Variants in TMC1 observed in about 807,000 individuals in gnomAD.
TMC1 encodes the protein transmembrane channel-like protein 1.
In TMC1, 84 loss-of-function variants were observed where a neutral mutation model predicts 105.8. That is an observed-to-expected ratio of 0.79 (90% CI 0.67 to 0.95). TMC1 has a LOEUF of 0.95. Among genes scored for constraint, TMC1 ranks in the 40% least tolerant of loss-of-function variants. The probability of loss-of-function intolerance (pLI) is 0.00; values close to 1 mark genes in which losing one functional copy is unlikely to be tolerated. For missense variants in TMC1, 817 were observed against 914.1 expected (o/e 0.89, Z 1.37); for synonymous variants, 315 against 311.5 (o/e 1.01, Z -0.12).
intron 12 of TMC1, among the ~76,000 whole-genome samples, chr9:72,769,520 A>G (rs953069188): frequency 6.6e-6 from 1 of 152,186 alleles, no homozygotes. Context: ...GTCTCCATCC[A>G]TGCTCTACTG....
At position 72,788,496 on chromosome 9, in the gene TMC1, A is replaced by G. The variant is rs1308448610; in HGVS notation, c.1029+13A>G. On this transcript the variant is annotated intron_variant, in intron 14 of 23. Coordinates refer to ENST00000297784, the MANE Select transcript of TMC1 (RefSeq NM_138691.3). ...AATGAACTTTAAGGTAGAGGCACCAACTTCAAAAACCTGCTGTTTGTATTT... is the reference window on the plus strand; with the variant it reads ...AATGAACTTTAAGGTAGAGGCACCAGCTTCAAAAACCTGCTGTTTGTATTT... The G allele has an allele frequency of 6.2e-7, 1 of 1,613,862 alleles. No homozygotes were observed. The highest frequency in any genetic ancestry group is 1.1e-5 in the South Asian group (1 of 91,074).
At chr9:72,635,614 C>T (rs1180680125) in intron 4 of TMC1, among the ~76,000 whole-genome samples, 1 of 152,124 alleles carries the variant, frequency 6.6e-6, no homozygotes, top group Non-Finnish European at 1.5e-5. Context: ...ATAAGTCAGT[C>T]AAGCTCTCTT....
At chr9:72,742,326 A>G (rs1357736197) in intron 9 of TMC1, 118 bp from the exon 10 acceptor site, 5 of 800,560 alleles carry the variant, frequency 6.2e-6, no homozygotes, top group East Asian at 2.7e-5. Context: ...AGAAAGTAGT[A>G]TTTGCTGCCA....
intron 8 of TMC1, among the ~76,000 whole-genome samples, chr9:72,736,536 AC>A (rs925106682): frequency 6.6e-6 from 1 of 152,206 alleles, no homozygotes; most frequent in African/African-American, 2.4e-5. Context: ...AATAAGCAAA[AC>A]TGGATGTCTT....
chr9:72,758,384 G>T (rs941241703), intron 12 of TMC1, among the ~76,000 whole-genome samples: 1 of 151,986 alleles, frequency 6.6e-6, no homozygotes, highest in Non-Finnish European at 1.5e-5. Context: ...ATAACAACAA[G>T]AAAAAAATGT....
intron 13 of TMC1, among the ~76,000 whole-genome samples, chr9:72,774,919 AG>A (rs1186670231): frequency 1.3e-5 from 2 of 152,236 alleles, no homozygotes; most frequent in Non-Finnish European, 2.9e-5. Flanking sequence ...ATGGAATAGA[AG>A]GTAACCTAAG....
At position 72,542,805 on chromosome 9, in the gene TMC1, G is replaced by A. The variant is rs572268977; in HGVS notation, c.-428+20892G>A. On this transcript the variant is annotated intron_variant, in intron 1 of 23. Coordinates refer to ENST00000297784, the MANE Select transcript of TMC1 (RefSeq NM_138691.3). ...AGCAATTCTTCTGCCTCAGCCTCCC[G>A]AGTAGGTGGGATTACAGGTGCCTGC... Among the ~76,000 whole-genome samples, 137 of 151,728 alleles carry A rather than the reference G, an allele frequency of 9.0e-4. 1 individual carries two copies. The highest frequency in any genetic ancestry group is 3.0e-3 in the African/African-American group (126 of 41,438).
chr9:72,587,456 C>A lies in TMC1; in HGVS notation c.-306+9433C>A, dbSNP rs576613097. 1.1e-4 allele frequency among the ~76,000 whole-genome samples: 17 copies of A among 152,260 alleles called. No homozygotes were observed. In the South Asian group the frequency reaches 3.5e-3, roughly 32 times the overall value. On this transcript the variant is annotated intron_variant, in intron 2 of 23. Transcript: ENST00000297784. ...TACAGGCATGAGCCACTGTGCCCAG[C>A]CAACAGATAACTTTTTAAATTCTCA...
chr9:72,669,703 T>C (rs537005450), intron 5 of TMC1, among the ~76,000 whole-genome samples: 3 of 152,020 alleles, frequency 2.0e-5, no homozygotes, highest in Admixed American at 6.5e-5. Context: ...TTTTTTTTTT[T>C]CCATATGACT....
intron 12 of TMC1, among the ~76,000 whole-genome samples, chr9:72,763,341 A>G (rs1415884517): frequency 6.6e-6 from 1 of 152,098 alleles, no homozygotes; most frequent in Non-Finnish European, 1.5e-5. Context: ...CAAAGATGAG[A>G]AAACCCAAGG....
At chr9:72,703,686 CA>C (rs1441372616) in intron 8 of TMC1, among the ~76,000 whole-genome samples, 2 of 152,174 alleles carry the variant, frequency 1.3e-5, no homozygotes, top group African/African-American at 4.8e-5. Context: ...GGCATGTTAC[CA>C]AGACGGTGAT....
chr9:72,547,286 C>CA (rs36012788), intron 1 of TMC1, among the ~76,000 whole-genome samples: 62,953 of 114,722 alleles, frequency 0.55, 15,990 homozygotes, highest in African/African-American at 0.66. Flanking sequence ...GACTCCTTCT[C>CA]AAAAAAAAAA....
chr9:72,615,237 A>C (rs1209749932), intron 2 of TMC1, among the ~76,000 whole-genome samples: 1 of 152,200 alleles, frequency 6.6e-6, no homozygotes, highest in African/African-American at 2.4e-5. Context: ...TCTCCTGGTA[A>C]ACTGGAGGGG....
chr9:72,565,613 T>C (rs1824137428), intron 1 of TMC1, among the ~76,000 whole-genome samples: 1 of 152,128 alleles, frequency 6.6e-6, no homozygotes, highest in South Asian at 2.1e-4. Flanking sequence ...TTTTAGTCCA[T>C]TTTCCTACTG....
rs1285745052 is a variant in TMC1 at position 72,740,210 on chromosome 9, G to T, written c.453+1G>T. On this transcript the variant is annotated splice_donor_variant, in intron 9 of 23. Coordinates refer to ENST00000297784, the MANE Select transcript of TMC1 (RefSeq NM_138691.3). LOFTEE classifies it high-confidence loss of function. Reference sequence around the variant, plus strand: ...TGCATTTAAGATGATGATGGCCAAGGTAGGTATTTTTATAGTTGTCTGGTT... The same window carrying T: ...TGCATTTAAGATGATGATGGCCAAGTTAGGTATTTTTATAGTTGTCTGGTT... 6.2e-7 allele frequency: 1 copy of T among 1,612,892 alleles called. No individual in the cohort carries two copies. The highest frequency in any genetic ancestry group is 2.2e-5 in the East Asian group (1 of 44,788).
In TMC1 at chr9:72,635,875, G is replaced by T. The variant is rs1181432706; in HGVS notation, c.-53+7812G>T. On this transcript the variant is annotated intron_variant, in intron 4 of 23. Transcript: ENST00000297784. ...TGCTTGCCCTGAAACACTTGTTTTA[G>T]TGCAGATAAATTCATCACCTAAGGA... Among the ~76,000 whole-genome samples, 5 of 152,148 alleles carry T rather than the reference G, an allele frequency of 3.3e-5. No homozygotes were observed. The East Asian group carries it at 9.6e-4, about 29-fold the overall frequency.
chr9:72,831,942 G>T (rs1829048997), intron 23 of TMC1, among the ~76,000 whole-genome samples: 1 of 151,188 alleles, frequency 6.6e-6, no homozygotes, highest in Non-Finnish European at 1.5e-5. Context: ...TAATCCTTTG[G>T]GTATATACCC....
intron 8 of TMC1, among the ~76,000 whole-genome samples, chr9:72,733,468 T>C (rs1827247983): frequency 6.6e-6 from 1 of 152,118 alleles, no homozygotes; most frequent in Non-Finnish European, 1.5e-5. Flanking sequence ...GGGTTTTGCC[T>C]GGAAGTACCT....
intron 2 of TMC1, among the ~76,000 whole-genome samples, chr9:72,595,193 A>G (rs867955586): frequency 7.2e-5 from 11 of 152,212 alleles, no homozygotes; most frequent in Middle Eastern, 6.8e-3. Flanking sequence ...AACTGCTGCT[A>G]CCGATAGACT....
Sources: gnomAD v4.1 joint callset for allele counts (sites outside exome capture counted in the v4.1 genomes callset) on GRCh38, gnomAD v4.1.1 for gene constraint, MANE v1.5 for transcripts, NCBI Gene and HGNC (gene_info 2026-07-23, HGNC 2026-07-21) for gene names.